The following NEDD4 variants were observed in gnomAD, a reference collection of about 807,000 sequenced individuals.
The protein encoded by NEDD4 is E3 ubiquitin-protein ligase NEDD4.
NEDD4 carries 99 observed loss-of-function variants against 144.9 expected under a neutral mutation model. The ratio of observed to expected loss-of-function variants is 0.68; its 90% CI spans 0.58 to 0.81. The LOEUF (loss-of-function observed/expected upper bound fraction) is 0.81, where lower values mean the gene tolerates loss of function less well. Ranked by LOEUF, NEDD4 falls within the 30% of genes least tolerant of loss-of-function variation. The pLI is 0.00. For synonymous variants in NEDD4, 318 were observed against 350.6 expected (o/e 0.91, Z 1.04); for missense variants, 985 against 1,065.9 (o/e 0.92, Z 1.06).
At chr15:55,848,331 A>G in intron 17 of NEDD4, 41 bp downstream of exon 17, 6 of 1,584,510 alleles carry the variant, frequency 3.8e-6, no homozygotes, top group South Asian at 2.2e-5. Context: ...GAGACAGGTG[A>G]GCGGACAGTC....
intron 2 of NEDD4, among the ~76,000 whole-genome samples, chr15:55,963,080 C>T (rs8042074): frequency 0.069 from 10,538 of 151,966 alleles, 479 homozygotes; most frequent in Non-Finnish European, 0.1. Context: ...CTACCACAAC[C>T]GGCCTCCGTT....
intron 5 of NEDD4, among the ~76,000 whole-genome samples, chr15:55,894,676 C>G (rs2035683548): frequency 6.6e-6 from 1 of 152,164 alleles, no homozygotes; most frequent in South Asian, 2.1e-4. Flanking sequence ...CTAATTATCA[C>G]AGACTTGTGA....
chr15:55,985,247 C>T (rs1595890250), intron 1 of NEDD4, among the ~76,000 whole-genome samples: 1 of 152,216 alleles, frequency 6.6e-6, no homozygotes, highest in African/African-American at 2.4e-5. Context: ...CTTTTCTGTT[C>T]CTGGCGCAGA....
At position 55,829,910 on chromosome 15, in the gene NEDD4, T is replaced by C; in HGVS notation, c.2690A>G (p.Asp897Gly). Residue 897 changes from aspartate to glycine, a missense_variant, in exon 29 of 29, where the codon GAT becomes GGT. Transcript: ENST00000435532. ...QMAIENTQGF[D>G]GVD ...GTTATTTGTAATCTAATCAACTCCATCAAAGCCCTGGGTGTTTTCAATTGC... is the reference window on the plus strand; with the variant it reads ...GTTATTTGTAATCTAATCAACTCCACCAAAGCCCTGGGTGTTTTCAATTGC... 6.2e-7 allele frequency: 1 copy of C among 1,612,554 alleles called. No homozygotes were observed. The highest frequency in any genetic ancestry group is 2.2e-5 in the East Asian group (1 of 44,876).
intron 5 of NEDD4, among the ~76,000 whole-genome samples, chr15:55,920,234 T>A (rs1410590846): frequency 1.3e-5 from 2 of 151,318 alleles, no homozygotes; most frequent in Non-Finnish European, 2.9e-5. Context: ...ATAAAATATA[T>A]GAAAAATAAA....
intron 1 of NEDD4, 108 bp downstream of exon 1, chr15:55,993,403 G>A (rs1023476804): frequency 7.2e-7 from 1 of 1,387,862 alleles, no homozygotes; most frequent in Admixed American, 2.1e-5. Context: ...CGAGGGAGGA[G>A]GGGCTGACAG....
chr15:55,933,495 C>T lies in NEDD4; in HGVS notation c.238-8796G>A, dbSNP rs190087820. ...ATTGAATAATGAGAACACTTGGACA[C>T]GGGAAGGGGAACATCACACACTGGG... On this transcript the variant is annotated intron_variant, in intron 4 of 28. Transcript: ENST00000435532. 3.8e-3 allele frequency among the ~76,000 whole-genome samples: 487 copies of T among 126,836 alleles called. 1 individual carries two copies. The highest frequency in any genetic ancestry group is 5.4e-3 in the Non-Finnish European group (350 of 64,358). The allele number at this position is 126,836 out of a possible 152,430, so 83.2% of individuals were successfully genotyped here. A position where few individuals can be genotyped will look rare whatever the true frequency, so the allele number is the denominator to read the frequency against.
intron 5 of NEDD4, among the ~76,000 whole-genome samples, chr15:55,889,895 G>A (rs1160019945): frequency 6.6e-6 from 1 of 152,000 alleles, no homozygotes; most frequent in South Asian, 2.1e-4. Flanking sequence ...TAGAGATGGG[G>A]TTTCACTGTG....
intron 5 of NEDD4, among the ~76,000 whole-genome samples, chr15:55,877,016 T>C (rs1300244583): frequency 6.6e-6 from 1 of 152,128 alleles, no homozygotes; most frequent in African/African-American, 2.4e-5. Flanking sequence ...ACTTCTCATT[T>C]TAAAAGAATT....
intron 12 of NEDD4, 147 bp from the exon 13 acceptor site, chr15:55,852,690 A>AATATATATATATATATATATAT (rs59736982): frequency 6.0e-5 from 11 of 182,366 alleles, no homozygotes; most frequent in African/African-American, 2.8e-4. Context: ...CTTTTCTAGA[A>AATATATATATATATATATATAT]ATATATATAT....
intron 1 of NEDD4, among the ~76,000 whole-genome samples, chr15:55,980,394 C>G (rs553984988): frequency 6.6e-6 from 1 of 152,012 alleles, no homozygotes; most frequent in Non-Finnish European, 1.5e-5. Flanking sequence ...GCTGTACCCA[C>G]TAAACAGAAG....
intron 4 of NEDD4, among the ~76,000 whole-genome samples, chr15:55,944,303 T>TG (rs2037066928): frequency 6.6e-6 from 1 of 152,208 alleles, no homozygotes; most frequent in South Asian, 2.1e-4. Flanking sequence ...GCTTTTCCCA[T>TG]GGTCTTATCA....
chr15:55,874,766 GAGTTAGAGACCAGCCTGACCAAC>G (rs2034929478), intron 5 of NEDD4, among the ~76,000 whole-genome samples: 1 of 152,160 alleles, frequency 6.6e-6, no homozygotes, highest in Non-Finnish European at 1.5e-5. Context: ...CTGAGGTCAG[GAGTTAGAGACCAGCCTGACCAAC>G]ACGGTGAAAC....
intron 1 of NEDD4, among the ~76,000 whole-genome samples, chr15:55,986,183 TAACA>T (rs1482388857): frequency 6.6e-6 from 1 of 152,134 alleles, no homozygotes; most frequent in East Asian, 1.9e-4. Flanking sequence ...GAATGCCAAC[TAACA>T]GAGATGGAAA....
At chr15:55,886,965 C>T (rs2035413155) in intron 5 of NEDD4, among the ~76,000 whole-genome samples, 1 of 151,170 alleles carries the variant, frequency 6.6e-6, no homozygotes, top group African/African-American at 2.4e-5. Flanking sequence ...GGAAGAATAA[C>T]ATACCAAAAC....
intron 4 of NEDD4, among the ~76,000 whole-genome samples, chr15:55,929,876 C>G (rs1327168866): frequency 1.3e-5 from 2 of 150,548 alleles, no homozygotes; most frequent in East Asian, 4.0e-4. Flanking sequence ...ATCCATAAAA[C>G]AAAAACAAGA....
chr15:55,861,779 A>G (rs1282589038), intron 9 of NEDD4, among the ~76,000 whole-genome samples: 1 of 152,324 alleles, frequency 6.6e-6, no homozygotes. Context: ...TATCAGATCA[A>G]GAATTTTGTT....
intron 8 of NEDD4, among the ~76,000 whole-genome samples, chr15:55,867,007 G>T (rs565468130): frequency 6.6e-6 from 1 of 152,152 alleles, no homozygotes; most frequent in South Asian, 2.1e-4. Context: ...AGCATTCAGA[G>T]GTACAACCAA....
At chr15:55,972,482 T>G (rs535490512) in intron 1 of NEDD4, among the ~76,000 whole-genome samples, 1 of 152,294 alleles carries the variant, frequency 6.6e-6, no homozygotes, top group East Asian at 1.9e-4. Context: ...TGTAAGATGT[T>G]AATTGCAACC....
Sources: allele counts gnomAD v4.1 joint callset (sites outside exome capture counted in the v4.1 genomes callset), GRCh38; gene constraint gnomAD v4.1.1; transcripts MANE v1.5; gene names NCBI Gene and HGNC (gene_info 2026-07-23, HGNC 2026-07-21).